Variants in ASH2L observed in about 807,000 individuals in gnomAD.
ASH2L encodes ASH2 like, histone lysine methyltransferase complex subunit, also known as set1/Ash2 histone methyltransferase complex subunit ASH2.
In ASH2L, 30 loss-of-function variants were observed where a neutral mutation model predicts 81.1. The observed-to-expected ratio is 0.37, with a 90% confidence interval of 0.28 to 0.50. ASH2L has a LOEUF of 0.50. ASH2L is among the 20% of genes least tolerant of loss of function. ASH2L has a pLI of 0.95. For missense variants in ASH2L, 559 were observed against 792.1 expected (o/e 0.71, Z 3.53); for synonymous variants, 273 against 279.9 (o/e 0.98, Z 0.24).
chr8:38,134,057 C>T (rs1017115132), intron 13 of ASH2L, among the ~76,000 whole-genome samples: 1 of 152,104 alleles, frequency 6.6e-6, no homozygotes, highest in Non-Finnish European at 1.5e-5. Context: ...TGTGCTGTGT[C>T]CACTCAGGGT....
intron 3 of ASH2L, among the ~76,000 whole-genome samples, chr8:38,108,601 C>T (rs1810551497): frequency 6.6e-6 from 1 of 151,714 alleles, no homozygotes; most frequent in Admixed American, 6.6e-5. Context: ...AGGCTGATCA[C>T]GAGGTCAGGA....
At chr8:38,128,100 C>CT (rs1801926968) in intron 10 of ASH2L, among the ~76,000 whole-genome samples, 191 bp from the exon 11 acceptor site, 1 of 152,066 alleles carries the variant, frequency 6.6e-6, no homozygotes, top group African/African-American at 2.4e-5. Context: ...ACAACTTTCT[C>CT]TTTTTTGTTG....
chr8:38,136,772 C>CAA (rs77626059), intron 14 of ASH2L, among the ~76,000 whole-genome samples: 8 of 119,106 alleles, frequency 6.7e-5, no homozygotes, highest in South Asian at 2.7e-4. Flanking sequence ...GACTCTGTGT[C>CAA]AAAAAAAAAA....
chr8:38,108,646 C>T (rs1048594747), intron 3 of ASH2L, among the ~76,000 whole-genome samples: 1 of 151,786 alleles, frequency 6.6e-6, no homozygotes, highest in East Asian at 1.9e-4. Context: ...GGTGAAACCC[C>T]GTCACCAGAA....
rs188485626 is a variant in ASH2L, at chr8:38,105,559, G to C, written c.9G>C (p.Ala3=). 15 of 1,568,808 alleles carry C rather than the reference G, an allele frequency of 9.6e-6. No individual in the cohort carries two copies. In the South Asian group the frequency reaches 1.7e-4, roughly 18 times the overall value. MA[A]AGAGPGQEAG... is the part of the protein sequence containing the mutation. ...GTCCAGGGGTGGCCGTGATGGCGGCGGCAGGAGCAGGACCTGGCCAGGAAG... is the reference window on the plus strand; with the variant it reads ...GTCCAGGGGTGGCCGTGATGGCGGCCGCAGGAGCAGGACCTGGCCAGGAAG... The change falls in exon 1 of 16, where the codon GCG becomes GCC. Residue 3 remains alanine, a synonymous_variant. Transcript: ENST00000343823.
At chr8:38,106,469 G>T in intron 2 of ASH2L, 25 bp downstream of exon 2, 1 of 1,553,572 alleles carries the variant, frequency 6.4e-7, no homozygotes, top group Non-Finnish European at 8.8e-7. Flanking sequence ...TTGTTTGCAA[G>T]ACAAAATAGG....
intron 13 of ASH2L, among the ~76,000 whole-genome samples, chr8:38,135,342 G>A (rs1224965010): frequency 1.3e-5 from 2 of 152,126 alleles, no homozygotes; most frequent in South Asian, 2.1e-4. Flanking sequence ...CCAGCTGCTT[G>A]GGAGGCTGAT....
intron 12 of ASH2L, 102 bp downstream of exon 12, chr8:38,129,053 A>C: frequency 6.7e-7 from 1 of 1,486,088 alleles, no homozygotes; most frequent in Non-Finnish European, 8.9e-7. Context: ...GCCACAGCTC[A>C]CGTTTTTTCC....
At chr8:38,114,764 T>C in intron 6 of ASH2L, 141 bp from the exon 7 acceptor site, 1 of 611,230 alleles carries the variant, frequency 1.6e-6, no homozygotes, top group East Asian at 2.8e-5. Context: ...TGGTCACTGA[T>C]TATTTCTTAG....
intron 12 of ASH2L, among the ~76,000 whole-genome samples, chr8:38,130,189 T>A (rs112910966): frequency 0.014 from 2,168 of 151,720 alleles, 47 homozygotes; most frequent in African/African-American, 0.05. Flanking sequence ...CTTCAAATAT[T>A]TTGCCTGTTA....
At chr8:38,106,989 A>G in intron 2 of ASH2L, 32 bp from the exon 3 acceptor site, 1 of 1,612,028 alleles carries the variant, frequency 6.2e-7, no homozygotes, top group Non-Finnish European at 8.5e-7. Context: ...ATTCAAGTCA[A>G]CTGATTTGAG....
At chr8:38,130,845 G>GC (rs1802034538) in intron 12 of ASH2L, among the ~76,000 whole-genome samples, 51 of 152,184 alleles carry the variant, frequency 3.4e-4, no homozygotes, top group Admixed American at 3.3e-3. Context: ...CTCCCAAAGT[G>GC]CTGGGATTAC....
chr8:38,116,513 A>G, intron 7 of ASH2L, 137 bp from the exon 8 acceptor site: 1 of 695,352 alleles, frequency 1.4e-6, no homozygotes, highest in Non-Finnish European at 2.5e-6. Context: ...AGACTGGGCA[A>G]TAGAGTAAGG....
intron 5 of ASH2L, among the ~76,000 whole-genome samples, chr8:38,111,059 C>T (rs150573068): frequency 4.6e-5 from 7 of 152,238 alleles, no homozygotes; most frequent in African/African-American, 1.7e-4. Flanking sequence ...CTCCGCTTCC[C>T]GAGTAGCTGG....
chr8:38,106,418 G>A lies in ASH2L; in HGVS notation c.229G>A (p.Glu77Lys). The A allele has an allele frequency of 6.2e-7, 1 of 1,613,762 alleles. No individual in the cohort carries two copies. The highest frequency in any genetic ancestry group is 8.5e-7 in the Non-Finnish European group (1 of 1,179,816). ...CGATGTAAGCGGTGGCTTGGAGACA[G>A]AATCATCTAATGGAAAAGATACACT... ...LVDVSGGLET[E>K]SSNGKDTLEG... The change falls in exon 2 of 16, where the codon GAA (glutamate) becomes AAA (lysine). Residue 77 changes from glutamate to lysine, a missense_variant. Glu to Lys is a moderately conservative substitution (Grantham distance 56). Transcript: ENST00000343823.
At chr8:38,137,600 C>T (rs142470823) in intron 14 of ASH2L, 9,220 of 151,114 alleles carry the variant, frequency 0.061, 401 homozygotes, top group Middle Eastern at 0.18. Context: ...TGGTGGCACG[C>T]GCCTGTCGTC....
chr8:38,113,439 C>G (rs1237266372), intron 5 of ASH2L, among the ~76,000 whole-genome samples: 1 of 152,034 alleles, frequency 6.6e-6, no homozygotes, highest in Non-Finnish European at 1.5e-5. Flanking sequence ...TTCCCTGGTT[C>G]CTTTCAGTAA....
rs145325512 is a variant in ASH2L at position 38,139,419 on chromosome 8, T to C, written c.*348T>C. On this transcript the variant is annotated 3_prime_UTR_variant, in exon 16 of 16. Coordinates refer to ENST00000343823, the MANE Select transcript of ASH2L (RefSeq NM_004674.5). ...TAATATTGTCCGAGTAACTAACTTA[T>C]TTAAAAGACATTTCCTTCTGTGGGC... The C allele has an allele frequency of 5.6e-6, 1 of 178,810 alleles. No individual in the cohort carries two copies. The highest frequency in any genetic ancestry group is 1.5e-4 in the East Asian group (1 of 6,794). 11.1% of individuals were successfully genotyped at this position (178,810 alleles called of 1,614,324 possible).
At chr8:38,134,175 C>T (rs1802167029) in intron 13 of ASH2L, among the ~76,000 whole-genome samples, 1 of 152,186 alleles carries the variant, frequency 6.6e-6, no homozygotes, top group South Asian at 2.1e-4. Context: ...CCCAGGGACA[C>T]AAACACTGCG....
Sources: allele counts gnomAD v4.1 joint callset (sites outside exome capture counted in the v4.1 genomes callset), GRCh38; gene constraint gnomAD v4.1.1; transcripts MANE v1.5; gene names NCBI Gene and HGNC (gene_info 2026-07-23, HGNC 2026-07-21).